Variants in OPHN1 observed in about 807,000 individuals in gnomAD.
OPHN1 encodes oligophrenin 1, also known as oligophrenin-1.
Under a neutral mutation model 60.7 loss-of-function variants are expected in OPHN1, and 11 were observed. That is an observed-to-expected ratio of 0.18 (90% CI 0.11 to 0.30). The LOEUF (loss-of-function observed/expected upper bound fraction) is 0.30, where lower values mean the gene tolerates loss of function less well. OPHN1 is among the 10% of genes least tolerant of loss of function. The probability of loss-of-function intolerance (pLI) is 1.00; values close to 1 mark genes in which losing one functional copy is unlikely to be tolerated. For missense variants in OPHN1, 449 were observed against 611.0 expected (o/e 0.73, Z 2.80); for synonymous variants, 226 against 222.6 (o/e 1.02, Z -0.14).
chrX:68,200,096 G>T (rs2077528563), intron 11 of OPHN1, among the ~76,000 whole-genome samples: 1 of 111,711 alleles, frequency 9.0e-6, no homozygotes, highest in African/African-American at 3.3e-5. Context: ...TACAGACCAG[G>T]GTTTGAGCTC....
At chrX:68,083,724 A>T (rs1283596862) in intron 19 of OPHN1, among the ~76,000 whole-genome samples, 3 of 112,304 alleles carry the variant, frequency 2.7e-5, no homozygotes, top group Non-Finnish European at 5.6e-5. Flanking sequence ...TTTTGAGTTA[A>T]CATGAGAGAC....
At chrX:68,234,385 C>T in intron 6 of OPHN1, 102 bp downstream of exon 6, 1 of 651,708 alleles carries the variant, frequency 1.5e-6, no homozygotes, top group Non-Finnish European at 2.5e-6. Context: ...CATGAGGTTC[C>T]CTGCTGAGAC....
chrX:68,082,807 T>C lies in OPHN1; in HGVS notation c.1687-9508A>G, dbSNP rs922287905. On this transcript the variant is annotated intron_variant, in intron 19 of 24. Coordinates refer to ENST00000355520, the MANE Select transcript of OPHN1 (RefSeq NM_002547.3). ...AAGAGTCAGCCTGTCCTGTGAAACT[T>C]TGAACCCAGGCATTGACTTCTTTGC... Among the ~76,000 whole-genome samples the C allele has an allele frequency of 9.8e-5, 11 of 111,917 alleles. No individual in the cohort carries two copies. In the South Asian group the frequency reaches 1.5e-3, roughly 15 times the overall value.
intron 2 of OPHN1, among the ~76,000 whole-genome samples, chrX:68,372,535 T>C (rs1481813885): frequency 1.8e-5 from 2 of 111,512 alleles, no homozygotes; most frequent in Admixed American, 9.6e-5. Context: ...GTCCTATCTC[T>C]CTCATTCTTA....
In OPHN1 at chrX:68,315,815, G is replaced by A. The variant is rs372698576; in HGVS notation, c.155-16719C>T. ...AGAATATAATTCCATTTACAGTAGC[G>A]TCTCAAAGAATAAAATACATAGGAA... On this transcript the variant is annotated intron_variant, in intron 2 of 24. Coordinates refer to ENST00000355520, the MANE Select transcript of OPHN1 (RefSeq NM_002547.3). Among the ~76,000 whole-genome samples the A allele has an allele frequency of 9.9e-5, 11 of 110,606 alleles. No individual in the cohort carries two copies. In the South Asian group the frequency reaches 1.5e-3, roughly 15 times the overall value.
intron 2 of OPHN1, among the ~76,000 whole-genome samples, chrX:68,423,078 TGTAATGG>T (rs2078837768): frequency 9.2e-6 from 1 of 108,901 alleles, no homozygotes; most frequent in African/African-American, 3.4e-5. Flanking sequence ...CAGGTTGGAG[TGTAATGG>T]CTCGATCTCG....
intron 5 of OPHN1, among the ~76,000 whole-genome samples, chrX:68,258,306 A>T (rs7885677): frequency 0.32 from 33,735 of 105,497 alleles, 7,783 homozygotes; most frequent in African/African-American, 0.79. Flanking sequence ...CGTGCAGGTT[A>T]GTTCCATATG....
At chrX:68,158,865 G>A (rs759127388) in intron 15 of OPHN1, among the ~76,000 whole-genome samples, 2 of 112,054 alleles carry the variant, frequency 1.8e-5, no homozygotes, top group East Asian at 2.8e-4. Flanking sequence ...GTCACAGGAC[G>A]GAAGCTCTAC....
intron 20 of OPHN1, chrX:68,071,688 A>T: frequency 1.9e-6 from 1 of 529,058 alleles, no homozygotes; most frequent in South Asian, 2.6e-5. Flanking sequence ...CTACACAGGA[A>T]CATTGAAGTC....
At chrX:68,378,928 T>C (rs2078577879) in intron 2 of OPHN1, among the ~76,000 whole-genome samples, 1 of 111,286 alleles carries the variant, frequency 9.0e-6, no homozygotes, top group Admixed American at 9.6e-5. Flanking sequence ...TCTTTTTTGG[T>C]TCCATATGAA....
chrX:68,299,689 A>G lies in OPHN1; in HGVS notation c.155-593T>C, dbSNP rs16990588. ...CACAGAGTATTTATCAAGAGACCTG[A>G]CCTAAGAAAGCAACGAATGAAAACA... On this transcript the variant is annotated intron_variant, in intron 2 of 24. Coordinates refer to ENST00000355520, the MANE Select transcript of OPHN1 (RefSeq NM_002547.3). 4.5e-3 allele frequency among the ~76,000 whole-genome samples: 510 copies of G among 112,216 alleles called. 4 individuals carry two copies. The highest frequency in any genetic ancestry group is 0.016 in the African/African-American group (483 of 30,953).
intron 2 of OPHN1, among the ~76,000 whole-genome samples, chrX:68,410,751 C>T (rs1334920082): frequency 9.0e-6 from 1 of 110,871 alleles, no homozygotes; most frequent in East Asian, 2.8e-4. Flanking sequence ...TTTGGGGATA[C>T]ACATTCGCAC....
intron 2 of OPHN1, among the ~76,000 whole-genome samples, chrX:68,426,566 AT>A (rs2078858131): frequency 9.1e-5 from 7 of 77,256 alleles, no homozygotes; most frequent in Non-Finnish European, 1.6e-4. Context: ...ATATATATAT[AT>A]ATACATACAC....
intron 18 of OPHN1, among the ~76,000 whole-genome samples, chrX:68,097,896 TG>T (rs368674820): frequency 2.2e-3 from 239 of 111,021 alleles, no homozygotes; most frequent in African/African-American, 7.5e-3. Context: ...AGAGAGTTGT[TG>T]AATAAATAAA....
chrX:68,384,735 G>A (rs4827579), intron 2 of OPHN1, among the ~76,000 whole-genome samples: 29,534 of 100,974 alleles, frequency 0.29, 7,263 homozygotes, highest in African/African-American at 0.8. Flanking sequence ...AAAAAAAAAA[G>A]AAGAAGAATA....
chrX:68,059,347 A>G (rs1381273184), intron 21 of OPHN1, among the ~76,000 whole-genome samples: 1 of 110,854 alleles, frequency 9.0e-6, no homozygotes. Flanking sequence ...ATATTCCTCT[A>G]TACCCAACCT....
intron 17 of OPHN1, 102 bp from the exon 18 acceptor site, chrX:68,112,061 G>GCACACATGCA (rs1555938781): frequency 5.9e-5 from 23 of 389,579 alleles, no homozygotes; most frequent in Admixed American, 1.8e-4. Flanking sequence ...ATGCACACAT[G>GCACACATGCA]CACACACACA....
In OPHN1 at chrX:68,070,784, C is replaced by T. The variant is rs1372889191; in HGVS notation, c.1834+2368G>A. The T allele has an allele frequency of 3.5e-6, 4 of 1,157,627 alleles. No individual in the cohort carries two copies. In the East Asian group the frequency reaches 9.0e-5, roughly 26 times the overall value. On this transcript the variant is annotated intron_variant, in intron 20 of 24. Transcript: ENST00000355520. ...GGACCATTCCACACAATCTGCTTAGCCCAAGTGACAGTCTCAGCATACTTC... is the reference window on the plus strand; with the variant it reads ...GGACCATTCCACACAATCTGCTTAGTCCAAGTGACAGTCTCAGCATACTTC...
chrX:68,250,190 T>G (rs2077826527), intron 5 of OPHN1, among the ~76,000 whole-genome samples: 1 of 112,317 alleles, frequency 8.9e-6, no homozygotes, highest in Admixed American at 9.4e-5. Context: ...AAGGAATCAG[T>G]CATACAGATA....
Sources: gnomAD v4.1 joint callset for allele counts (sites outside exome capture counted in the v4.1 genomes callset) on GRCh38, gnomAD v4.1.1 for gene constraint, MANE v1.5 for transcripts, NCBI Gene and HGNC (gene_info 2026-07-23, HGNC 2026-07-21) for gene names.